Variants in FOXC2 observed in about 807,000 individuals in gnomAD.
FOXC2 encodes forkhead box C2, also known as forkhead box protein C2.
Under a neutral mutation model 7.2 loss-of-function variants are expected in FOXC2, and 7 were observed. The observed-to-expected ratio is 0.97, with a 90% CI of 0.55 to 1.81. The LOEUF (loss-of-function observed/expected upper bound fraction) is 1.81, where lower values mean the gene tolerates loss of function less well. FOXC2 is among the 40% of genes most tolerant of loss of function. FOXC2 has a pLI of 0.00. For missense variants in FOXC2, 846 were observed against 741.2 expected, an observed-to-expected ratio of 1.14 and a Z score of -1.64; for synonymous variants, 436 against 350.4, an observed-to-expected ratio of 1.24 and a Z score of -2.73.
Position 86,568,817 on chromosome 16 carries a change from C to T in FOXC2, c.1482C>T (p.Tyr494=), listed in dbSNP as rs759198789. The change falls in exon 1 of 1, where the codon TAC becomes TAT. Residue 494 remains tyrosine, a synonymous_variant. Coordinates refer to ENST00000649859, the MANE Select transcript of FOXC2 (RefSeq NM_005251.3). The surrounding 1 kb of genome is among the most constrained non-coding windows in gnomAD (Gnocchi z 5.2). ...TPPLYRHAAP[Y]SYDCTKY ...CTCTCTATCGCCACGCAGCCCCCTA[C>T]TCCTACGACTGCACGAAATACTGAC... is the stretch of plus-strand genomic sequence containing the variant. 76 of 1,612,854 alleles carry T rather than the reference C, an allele frequency of 4.7e-5. No individual in the cohort carries two copies. The highest frequency in any genetic ancestry group is 6.7e-5 in the Admixed American group (4 of 60,004).
chr16:86,567,206 C>G lies in FOXC2; in HGVS notation c.-130C>G, dbSNP rs1974206908. On this transcript the variant is annotated 5_prime_UTR_variant, in exon 1 of 1. Transcript: ENST00000649859. Reference sequence around the variant, plus strand: ...CTCGCCCCGGAGGCTGCCAGGAGCCCGGGGCCGCCCCTCCCGCTCCCCTCC... The same window carrying G: ...CTCGCCCCGGAGGCTGCCAGGAGCCGGGGGCCGCCCCTCCCGCTCCCCTCC... The G allele has an allele frequency of 1.8e-6, 2 of 1,088,088 alleles. No homozygotes were observed. 67.4% of individuals were successfully genotyped at this position (1,088,088 alleles called of 1,614,324 possible).
rs761890099 is a variant in FOXC2, at chr16:86,567,521, C to G, written c.186C>G (p.His62Gln). 3.8e-5 allele frequency: 62 copies of G among 1,613,976 alleles called. No homozygotes were observed. The highest frequency in any genetic ancestry group is 3.0e-4 in the South Asian group (27 of 91,094). The change falls in exon 1 of 1, where the codon CAC (histidine) becomes CAG (glutamine). Residue 62 changes from histidine to glutamine, a missense_variant. Transcript: ENST00000649859. ...GCTCCTACGCGCCCTACCACCACCA[C>G]CAGCCCGCGGCGCCTAAGGACCTGG... ...MGRSYAPYHHHQPAAPKDLVK... is the reference protein window; with the variant it reads ...MGRSYAPYHHQQPAAPKDLVK...
Position 86,568,401 on chromosome 16 carries a change from G to T in FOXC2, c.1066G>T (p.Glu356Ter). 7.3e-7 allele frequency: 1 copy of T among 1,366,342 alleles called. No individual in the cohort carries two copies. Among genetic ancestry groups the T allele is most frequent in the Non-Finnish European group, 9.5e-7 (1 of 1,050,490 alleles). The allele number at this position is 1,366,342 out of a possible 1,614,324, so 84.6% of individuals were successfully genotyped here. The change falls in exon 1 of 1, where the codon GAG (glutamate) becomes TAG (stop). Residue 356 changes from glutamate to a stop codon, truncating the protein, a stop_gained. Coordinates refer to ENST00000649859, the MANE Select transcript of FOXC2 (RefSeq NM_005251.3). LOFTEE classifies it low-confidence loss of function (END_TRUNC). The surrounding 1 kb of genome is among the most constrained non-coding windows in gnomAD (Gnocchi z 5.2). ...AHMCVPPALD[E>*]ALSDHPSGPT... ...CATGTGCGTCCCGCCCGCCCTGGAC[G>T]AGGCCCTCTCGGACCACCCGAGCGG...
Position 86,569,416 on chromosome 16 carries a change from C to G in FOXC2, c.*575C>G, listed in dbSNP as rs1974251823. On this transcript the variant is annotated 3_prime_UTR_variant, in exon 1 of 1. Coordinates refer to ENST00000649859, the MANE Select transcript of FOXC2 (RefSeq NM_005251.3). ...ATCTTGCCCAACCATTTCTAACTGC[C>G]AAATTGAATTCAAGAAACCGATGTG... 2 of 167,766 alleles carry G rather than the reference C, an allele frequency of 1.2e-5. No individual in the cohort carries two copies. The highest frequency in any genetic ancestry group is 2.9e-5 in the Non-Finnish European group (2 of 68,618). 10.4% of individuals were successfully genotyped at this position (167,766 alleles called of 1,614,324 possible).
In FOXC2 at chr16:86,568,051, G is replaced by T. The variant is rs1974224227; in HGVS notation, c.716G>T (p.Gly239Val). 1 of 1,452,570 alleles carries T rather than the reference G, an allele frequency of 6.9e-7. No homozygotes were observed. The highest frequency in any genetic ancestry group is 1.4e-5 in the South Asian group (1 of 71,600). The allele number at this position is 1,452,570 out of a possible 1,614,324, so 90.0% of individuals were successfully genotyped here. ...ETLSPESALQ[G>V]SPRSAASTPA... is the part of the protein sequence containing the mutation. ...CTGAGCCCCGAGAGCGCGCTGCAGG[G>T]CAGCCCGCGCAGCGCGGCCTCCACG... The change falls in exon 1 of 1, where the codon GGC (glycine) becomes GTC (valine). Residue 239 changes from glycine (G) to valine (V), a missense_variant. Gly to Val is a moderately radical substitution (Grantham distance 109). Coordinates refer to ENST00000649859, the MANE Select transcript of FOXC2 (RefSeq NM_005251.3). This position sits in a 1 kb window ranked among gnomAD's most constrained non-coding sequence, Gnocchi z 5.2.
chr16:86,568,965 C>A lies in FOXC2; in HGVS notation c.*124C>A. On this transcript the variant is annotated 3_prime_UTR_variant, in exon 1 of 1. Transcript: ENST00000649859. The surrounding 1 kb of genome is among the most constrained non-coding windows in gnomAD (Gnocchi z 5.2). ...CAAAACATGTCCACCAACCTTTTCTCAGACCCGGGAGCAGAGAGCGGGCAC... is the reference window on the plus strand; with the variant it reads ...CAAAACATGTCCACCAACCTTTTCTAAGACCCGGGAGCAGAGAGCGGGCAC... 7.6e-7 allele frequency: 1 copy of A among 1,312,180 alleles called. No individual in the cohort carries two copies. Among genetic ancestry groups the A allele is most frequent in the Non-Finnish European group, 1.1e-6 (1 of 932,932 alleles). The allele number at this position is 1,312,180 out of a possible 1,614,324, so 81.3% of individuals were successfully genotyped here. A position where few individuals can be genotyped will look rare whatever the true frequency, so the allele number is the denominator to read the frequency against.
chr16:86,568,333 T>A lies in FOXC2; in HGVS notation c.998T>A (p.Met333Lys). Residue 333 changes from methionine (M) to lysine (K), a missense_variant, in exon 1 of 1, where the codon ATG (methionine) becomes AAG (lysine). Transcript: ENST00000649859. This position sits in a 1 kb window ranked among gnomAD's most constrained non-coding sequence, Gnocchi z 5.2. Reference sequence around the variant, plus strand: ...GCCGCCGGGGGCTACCAGTGCAGCATGCGAGCGATGAGCCTGTACACCGGG... The same window carrying A: ...GCCGCCGGGGGCTACCAGTGCAGCAAGCGAGCGATGAGCCTGTACACCGGG... Reference protein sequence around the residue: ...AGAAGGYQCSMRAMSLYTGAE... With the variant: ...AGAAGGYQCSKRAMSLYTGAE... 7.6e-7 allele frequency: 1 copy of A among 1,319,600 alleles called. No homozygotes were observed. Among genetic ancestry groups the A allele is most frequent in the Non-Finnish European group, 9.7e-7 (1 of 1,032,158 alleles). 81.7% of individuals were successfully genotyped at this position (1,319,600 alleles called of 1,614,324 possible).
chr16:86,568,583 C>T lies in FOXC2; in HGVS notation c.1248C>T (p.Ala416=), dbSNP rs750000452. 1.1e-5 allele frequency: 17 copies of T among 1,597,242 alleles called. No individual in the cohort carries two copies. The highest frequency in any genetic ancestry group is 3.3e-5 in the South Asian group (3 of 89,856). ...CCCAGCCGACGCCGCAGCCCGGGGC[C>T]GCCGCGGCGCAGGCGGCCTCCTGGT... ...PQPQPTPQPG[A]AAAQAASWYL... The change falls in exon 1 of 1, where the codon GCC becomes GCT. Residue 416 remains alanine (A), a synonymous_variant. Transcript: ENST00000649859. This position sits in a 1 kb window ranked among gnomAD's most constrained non-coding sequence, Gnocchi z 5.2.
chr16:86,568,749 A>G lies in FOXC2; in HGVS notation c.1414A>G (p.Ser472Gly), dbSNP rs766101728. Residue 472 changes from serine to glycine, a missense_variant, in exon 1 of 1, where the codon AGT (serine) becomes GGT (glycine). Physicochemically the swap from Ser to Gly is moderately conservative, Grantham distance 56. Around this residue, in one of 3 missense-constraint regions of FOXC2, gnomAD observed 640 missense variants for 503.2 expected, o/e 1.27. Coordinates refer to ENST00000649859, the MANE Select transcript of FOXC2 (RefSeq NM_005251.3). This position sits in a 1 kb window ranked among gnomAD's most constrained non-coding sequence, Gnocchi z 5.2. ...CTCGACCCTCGGGGAGTCCCAGGTG[A>G]GTGGCAATGCCAGCTGCCAGCTGCC... ...ENSTLGESQVSGNASCQLPYR... is the reference protein window; with the variant it reads ...ENSTLGESQVGGNASCQLPYR... 4.3e-6 allele frequency: 7 copies of G among 1,612,880 alleles called. No individual in the cohort carries two copies. In the South Asian group the frequency reaches 6.6e-5, roughly 15 times the overall value.
At position 86,568,699 on chromosome 16, in the gene FOXC2, A is replaced by T; in HGVS notation, c.1364A>T (p.Asn455Ile). Reference sequence around the variant, plus strand: ...TTCCCCAACGTGCGGGAGATGTTCAACTCCCACCGGCTGGGGATTGAGAAC... The same window carrying T: ...TTCCCCAACGTGCGGGAGATGTTCATCTCCCACCGGCTGGGGATTGAGAAC... ...QTFPNVREMF[N>I]SHRLGIENST... The change falls in exon 1 of 1, where the codon AAC becomes ATC. Residue 455 changes from asparagine (N) to isoleucine (I), a missense_variant. By Grantham distance (149) the Asn-to-Ile change is moderately radical (BLOSUM62 -3). Coordinates refer to ENST00000649859, the MANE Select transcript of FOXC2 (RefSeq NM_005251.3). This position sits in a 1 kb window ranked among gnomAD's most constrained non-coding sequence, Gnocchi z 5.2. The T allele has an allele frequency of 6.2e-7, 1 of 1,612,286 alleles. No homozygotes were observed. The highest frequency in any genetic ancestry group is 2.2e-5 in the East Asian group (1 of 44,822).
rs1283340618 is a variant in FOXC2 at position 86,567,409 on chromosome 16, A to G, written c.74A>G (p.Tyr25Cys). 2 of 1,613,102 alleles carry G rather than the reference A, an allele frequency of 1.2e-6. No individual in the cohort carries two copies. The highest frequency in any genetic ancestry group is 1.7e-5 in the Admixed American group (1 of 60,012). The change falls in exon 1 of 1, where the codon TAC (tyrosine) becomes TGC (cysteine). Residue 25 changes from tyrosine (Y) to cysteine (C), a missense_variant. Coordinates refer to ENST00000649859, the MANE Select transcript of FOXC2 (RefSeq NM_005251.3). Reference sequence around the variant, plus strand: ...CCCTACCTGAGCGAGCAGAATTACTACCGGGCTGCGGGCAGCTACGGCGGC... The same window carrying G: ...CCCTACCTGAGCGAGCAGAATTACTGCCGGGCTGCGGGCAGCTACGGCGGC... ...VVPYLSEQNYYRAAGSYGGMA... is the reference protein window; with the variant it reads ...VVPYLSEQNYCRAAGSYGGMA...
Position 86,567,157 on chromosome 16 carries a change from C to A in FOXC2, c.-179C>A. On this transcript the variant is annotated 5_prime_UTR_variant, in exon 1 of 1. Coordinates refer to ENST00000649859, the MANE Select transcript of FOXC2 (RefSeq NM_005251.3). ...GCTGAAAGCGCGCGCCCCTGCTCGG[C>A]CCGAGCGCCGCCGCCCGCGCACCCT... is the stretch of plus-strand genomic sequence containing the variant. 3.2e-6 allele frequency: 2 copies of A among 616,930 alleles called. No individual in the cohort carries two copies. The highest frequency in any genetic ancestry group is 5.3e-6 in the Non-Finnish European group (2 of 379,232). 38.2% of individuals were successfully genotyped at this position (616,930 alleles called of 1,614,324 possible). A position where few individuals can be genotyped will look rare whatever the true frequency, so the allele number is the denominator to read the frequency against.
At position 86,568,499 on chromosome 16, in the gene FOXC2, CCACCAG is replaced by C; in HGVS notation, c.1170_1175del (p.Gln390_His391del). The stretch of plus-strand genomic sequence containing the variant: ...GCGCGCTCGCCGCCACGGGCCACCA[CCACCAG>C]CACCACGGCCACCACCACCCGCAGG... On this transcript the variant is annotated inframe_deletion, in exon 1 of 1. Transcript: ENST00000649859. The surrounding 1 kb of genome is among the most constrained non-coding windows in gnomAD (Gnocchi z 5.2). The C allele has an allele frequency of 7.7e-7, 1 of 1,293,882 alleles. No individual in the cohort carries two copies. The highest frequency in any genetic ancestry group is 9.8e-7 in the Non-Finnish European group (1 of 1,019,926). 80.2% of individuals were successfully genotyped at this position (1,293,882 alleles called of 1,614,324 possible). A position where few individuals can be genotyped will look rare whatever the true frequency, so the allele number is the denominator to read the frequency against.
chr16:86,567,324 C>T lies in FOXC2; in HGVS notation c.-12C>T. On this transcript the variant is annotated 5_prime_UTR_variant, in exon 1 of 1. Transcript: ENST00000649859. ...GTGCGCGAGGGCGCCGGCGAGCCGT[C>T]TCGGAAGCAGCATGCAGGCGCGCTA... is the stretch of plus-strand genomic sequence containing the variant. 1 of 1,612,636 alleles carries T rather than the reference C, an allele frequency of 6.2e-7. No individual in the cohort carries two copies. Among genetic ancestry groups the T allele is most frequent in the Non-Finnish European group, 8.5e-7 (1 of 1,179,742 alleles).
chr16:86,568,879 T>G lies in FOXC2; in HGVS notation c.*38T>G, dbSNP rs199552394. 1.8e-3 allele frequency: 2,889 copies of G among 1,610,894 alleles called. 7 individuals carry two copies. The highest frequency in any genetic ancestry group is 6.5e-3 in the African/African-American group (487 of 74,932). ...CCTCCCCTCCCCGGCCCGCTCCGGC[T>G]TCGCTTCCCAGCCCCGACCCAACCA... On this transcript the variant is annotated 3_prime_UTR_variant, in exon 1 of 1. Coordinates refer to ENST00000649859, the MANE Select transcript of FOXC2 (RefSeq NM_005251.3). The surrounding 1 kb of genome is among the most constrained non-coding windows in gnomAD (Gnocchi z 5.2).
chr16:86,567,245 C>T lies in FOXC2; in HGVS notation c.-91C>T. The T allele has an allele frequency of 3.4e-6, 5 of 1,460,824 alleles. No individual in the cohort carries two copies. The highest frequency in any genetic ancestry group is 4.7e-6 in the Non-Finnish European group (5 of 1,062,598). The allele number at this position is 1,460,824 out of a possible 1,614,324, so 90.5% of individuals were successfully genotyped here. A position where few individuals can be genotyped will look rare whatever the true frequency, so the allele number is the denominator to read the frequency against. ...CCGCTCCCCTCCTCTCCCCCTCTGG[C>T]TCTCTCGCGCTCTCTCGCTCTCAGG... On this transcript the variant is annotated 5_prime_UTR_variant, in exon 1 of 1. Coordinates refer to ENST00000649859, the MANE Select transcript of FOXC2 (RefSeq NM_005251.3).
At position 86,567,388 on chromosome 16, in the gene FOXC2, A is replaced by C; in HGVS notation, c.53A>C (p.Tyr18Ser). ...CCCAACGCCCTGGGAGTGGTGCCCTACCTGAGCGAGCAGAATTACTACCGG... is the reference window on the plus strand; with the variant it reads ...CCCAACGCCCTGGGAGTGGTGCCCTCCCTGAGCGAGCAGAATTACTACCGG... ...SDPNALGVVP[Y>S]LSEQNYYRAA... The change falls in exon 1 of 1, where the codon TAC (tyrosine) becomes TCC (serine). Residue 18 changes from tyrosine to serine, a missense_variant. Coordinates refer to ENST00000649859, the MANE Select transcript of FOXC2 (RefSeq NM_005251.3). The C allele has an allele frequency of 6.2e-7, 1 of 1,613,164 alleles. No homozygotes were observed. The highest frequency in any genetic ancestry group is 8.5e-7 in the Non-Finnish European group (1 of 1,179,824).
In FOXC2 at chr16:86,569,619, GA is replaced by G. The variant is rs35468842; in HGVS notation, c.*793del. The G allele has an allele frequency of 0.76, 117,296 of 154,514 alleles. 43,813 individuals carry two copies. The highest frequency in any genetic ancestry group is 0.88 in the South Asian group (3,988 of 4,510). The allele number at this position is 154,514 out of a possible 1,614,324, so 9.6% of individuals were successfully genotyped here. Reference sequence around the variant, plus strand: ...GGTTCCACCCTGAGTATTCCTAAAAGAAAAAAAAAAAAAAAGCTTAAAAACT... The same window carrying G: ...GGTTCCACCCTGAGTATTCCTAAAAGAAAAAAAAAAAAAAGCTTAAAAACT... On this transcript the variant is annotated 3_prime_UTR_variant, in exon 1 of 1. Transcript: ENST00000649859.
rs981772297 is a variant in FOXC2 at position 86,566,952 on chromosome 16, T to G, written c.-384T>G. Among the ~76,000 whole-genome samples, 3 of 152,030 alleles carry G rather than the reference T, an allele frequency of 2.0e-5. No homozygotes were observed. Among genetic ancestry groups the G allele is most frequent in the African/African-American group, 7.2e-5 (3 of 41,446 alleles). On this transcript the variant is annotated 5_prime_UTR_variant, in exon 1 of 1. Transcript: ENST00000649859. The surrounding 1 kb of genome is among the most constrained non-coding windows in gnomAD (Gnocchi z 4.3). Reference sequence around the variant, plus strand: ...TTCGCTGGGGGCTTGGAGAGCCTCCTGCGCCCCTCCTCGCGCGGGCCGAGG... The same window carrying G: ...TTCGCTGGGGGCTTGGAGAGCCTCCGGCGCCCCTCCTCGCGCGGGCCGAGG...
Sources: allele counts gnomAD v4.1 joint callset (sites outside exome capture counted in the v4.1 genomes callset), GRCh38; gene constraint gnomAD v4.1.1; regional missense constraint gnomAD v4.1.1; non-coding constraint Gnocchi (gnomAD v3.1); transcripts MANE v1.5; gene names NCBI Gene and HGNC (gene_info 2026-07-23, HGNC 2026-07-21).